MTHFD2L: variants seen among roughly 807,000 people sequenced by gnomAD.
MTHFD2L encodes bifunctional methylenetetrahydrofolate dehydrogenase/cyclohydrolase 2, mitochondrial.
In MTHFD2L, 29 loss-of-function variants were observed where a neutral mutation model predicts 34.9. The ratio of observed to expected loss-of-function variants is 0.83; its 90% CI spans 0.62 to 1.13. The LOEUF (loss-of-function observed/expected upper bound fraction) is 1.13. Among genes scored for constraint, MTHFD2L ranks in the 50% most tolerant of loss-of-function variants. The pLI, the probability that MTHFD2L is intolerant of heterozygous loss-of-function variation, is 0.00. For synonymous variants in MTHFD2L, 167 were observed against 155.7 expected (o/e 1.07, Z -0.54); for missense variants, 481 against 446.5 (o/e 1.08, Z -0.70).
intron 6 of MTHFD2L, chr4:74,241,662 G>A: frequency 2.4e-6 from 1 of 411,702 alleles, no homozygotes; most frequent in South Asian, 1.8e-5. Context: ...ACAGGCATGA[G>A]CCACCACACC....
In MTHFD2L at chr4:74,210,228, C is replaced by G. The variant is rs536827513; in HGVS notation, c.712+8858C>G. ...ATTTATCAATTTTGGCTTTTGTTGC[C>G]ATTGCTTTTGATGTTTCAGTCACGA... On this transcript the variant is annotated intron_variant, in intron 5 of 7. Transcript: ENST00000325278. Among the ~76,000 whole-genome samples, 4 of 152,138 alleles carry G rather than the reference C, an allele frequency of 2.6e-5. No individual in the cohort carries two copies. In the East Asian group the frequency reaches 7.7e-4, roughly 29 times the overall value.
intron 1 of MTHFD2L, among the ~76,000 whole-genome samples, chr4:74,172,700 G>C (rs1728260208): frequency 6.6e-6 from 1 of 152,144 alleles, no homozygotes; most frequent in South Asian, 2.1e-4. Flanking sequence ...TGGATTGTGG[G>C]GTCTGGGAAT....
At chr4:74,164,169 C>T (rs1405022554) in intron 1 of MTHFD2L, among the ~76,000 whole-genome samples, 1 of 152,196 alleles carries the variant, frequency 6.6e-6, no homozygotes, top group Non-Finnish European at 1.5e-5. Flanking sequence ...AGCCACCATG[C>T]CTGGCCAGGT....
rs1296654907 is a variant in MTHFD2L at position 74,201,330 on chromosome 4, C to A, written c.672C>A (p.Ala224=). 1 of 1,613,698 alleles carries A rather than the reference C, an allele frequency of 6.2e-7. No homozygotes were observed. Among genetic ancestry groups the A allele is most frequent in the East Asian group, 2.2e-5 (1 of 44,860 alleles). ...GRSKNVGMPI[A]MLLHTDGEHE... ...CCAAGAACGTAGGGATGCCTATTGC[C>A]ATGCTTTTACACACTGATGGAGAGC... is the stretch of plus-strand genomic sequence containing the variant. The change falls in exon 5 of 8, where the codon GCC becomes GCA. Residue 224 remains alanine, a synonymous_variant. Coordinates refer to ENST00000325278, the MANE Select transcript of MTHFD2L (RefSeq NM_001144978.3).
chr4:74,218,942 A>G (rs1462201812), intron 5 of MTHFD2L, among the ~76,000 whole-genome samples: 2 of 152,048 alleles, frequency 1.3e-5, no homozygotes, highest in African/African-American at 4.8e-5. Flanking sequence ...GGATTCAACT[A>G]TCTATGATTA....
intron 7 of MTHFD2L, among the ~76,000 whole-genome samples, chr4:74,297,892 G>C (rs1049983912): frequency 6.6e-6 from 1 of 152,098 alleles, no homozygotes; most frequent in African/African-American, 2.4e-5. Context: ...GTTAAGCATT[G>C]ACATCTGTAT....
intron 6 of MTHFD2L, 94 bp from the exon 7 acceptor site, chr4:74,281,331 G>T: frequency 8.9e-7 from 1 of 1,128,178 alleles, no homozygotes; most frequent in Non-Finnish European, 1.3e-6. Context: ...ATACGTGTGT[G>T]TGTGTGTGTG....
At chr4:74,245,945 C>G (rs984462653) in intron 6 of MTHFD2L, among the ~76,000 whole-genome samples, 3 of 149,568 alleles carry the variant, frequency 2.0e-5, no homozygotes, top group Non-Finnish European at 4.4e-5. Context: ...CATACGTGTG[C>G]ATGTACCTTT....
In MTHFD2L at chr4:74,239,285, T is replaced by C. The variant is rs538095491; in HGVS notation, c.805+13891T>C. On this transcript the variant is annotated intron_variant, in intron 6 of 7. Transcript: ENST00000325278. ...TCACTCATAGGTGGGAACTGAACAA[T>C]GAGAACACTTGGACACAGGGTGGGG... is the stretch of plus-strand genomic sequence containing the variant. 6.4e-4 allele frequency among the ~76,000 whole-genome samples: 97 copies of C among 152,092 alleles called. 1 individual carries two copies. In the South Asian group the frequency reaches 8.3e-3, roughly 13 times the overall value.
chr4:74,152,708 T>A (rs1343992354), intron 1 of MTHFD2L, among the ~76,000 whole-genome samples: 5 of 152,164 alleles, frequency 3.3e-5, no homozygotes, highest in Admixed American at 3.3e-4. Context: ...CAGTGTGTGA[T>A]GTTCCCCTCC....
At chr4:74,171,065 A>G (rs1325770297) in intron 1 of MTHFD2L, among the ~76,000 whole-genome samples, 1 of 152,108 alleles carries the variant, frequency 6.6e-6, no homozygotes, top group Non-Finnish European at 1.5e-5. Context: ...CCAACATGGC[A>G]CATGTATACA....
upstream of MTHFD2L, among the ~76,000 whole-genome samples, chr4:74,123,652 G>A (rs1721871352): frequency 6.6e-6 from 1 of 151,978 alleles, no homozygotes; most frequent in South Asian, 2.1e-4. Context: ...ATTTTTTTAT[G>A]TAACTTAGAA....
At chr4:74,208,609 A>G (rs1468447006) in intron 5 of MTHFD2L, among the ~76,000 whole-genome samples, 1 of 152,194 alleles carries the variant, frequency 6.6e-6, no homozygotes, top group Non-Finnish European at 1.5e-5. Flanking sequence ...AGGGTGAGAA[A>G]AATGGAATTT....
chr4:74,177,684 G>C (rs1194199233), intron 3 of MTHFD2L, among the ~76,000 whole-genome samples: 1 of 151,856 alleles, frequency 6.6e-6, no homozygotes, highest in East Asian at 1.9e-4. Context: ...TTAGAAAACA[G>C]CATGACAGTT....
chr4:74,284,794 G>A (rs1747946044), intron 7 of MTHFD2L, among the ~76,000 whole-genome samples: 1 of 152,010 alleles, frequency 6.6e-6, no homozygotes, highest in Non-Finnish European at 1.5e-5. Context: ...ATTCCTCAGG[G>A]ATCTAGAACT....
At chr4:74,265,848 A>G (rs558821610) in intron 6 of MTHFD2L, among the ~76,000 whole-genome samples, 1 of 152,344 alleles carries the variant, frequency 6.6e-6, no homozygotes, top group Non-Finnish European at 1.5e-5. Context: ...TTCGAGAGCA[A>G]TACTTTGTAT....
intron 1 of MTHFD2L, among the ~76,000 whole-genome samples, chr4:74,170,743 G>A (rs1023237209): frequency 3.3e-5 from 5 of 151,930 alleles, no homozygotes; most frequent in Admixed American, 1.3e-4. Context: ...GTCCAACAAC[G>A]AAAGACTGGA....
chr4:74,255,136 CAAAAAAAAAAAAA>C (rs34300013), intron 6 of MTHFD2L, among the ~76,000 whole-genome samples: 51 of 69,188 alleles, frequency 7.4e-4, no homozygotes, highest in African/African-American at 3.1e-3. Context: ...ACTCCATCTC[CAAAAAAAAAAAAA>C]AAAAAAAAAA....
chr4:74,191,950 C>G (rs569349344), intron 3 of MTHFD2L, among the ~76,000 whole-genome samples: 1 of 152,136 alleles, frequency 6.6e-6, no homozygotes, highest in African/African-American at 2.4e-5. Context: ...TGTCCAGCTG[C>G]CCACTAATTT....
Sources: allele counts gnomAD v4.1 joint callset (sites outside exome capture counted in the v4.1 genomes callset), GRCh38; gene constraint gnomAD v4.1.1; transcripts MANE v1.5; gene names NCBI Gene and HGNC (gene_info 2026-07-23, HGNC 2026-07-21).